Variants in MBNL2 observed in about 807,000 individuals in gnomAD.
MBNL2 encodes the protein muscleblind like splicing regulator 2.
In MBNL2, 17 loss-of-function variants were observed where a neutral mutation model predicts 41.9. The ratio of observed to expected loss-of-function variants is 0.41; its 90% CI spans 0.28 to 0.61. The LOEUF (loss-of-function observed/expected upper bound fraction) is 0.61, where lower values mean the gene tolerates loss of function less well. MBNL2 is among the 20% of genes least tolerant of loss of function. The pLI is 0.35. For synonymous variants in MBNL2, 195 were observed against 182.9 expected (o/e 1.07, Z -0.53); for missense variants, 336 against 505.6 (o/e 0.66, Z 3.22).
At chr13:97,284,433 T>C (rs1289970927) in intron 2 of MBNL2, among the ~76,000 whole-genome samples, 2 of 152,162 alleles carry the variant, frequency 1.3e-5, no homozygotes, top group Non-Finnish European at 2.9e-5. Context: ...CTTCACATCA[T>C]CTTCCTGGTG....
intron 8 of MBNL2, among the ~76,000 whole-genome samples, chr13:97,385,655 A>T (rs1268767516): frequency 6.6e-6 from 1 of 152,218 alleles, no homozygotes; most frequent in African/African-American, 2.4e-5. Context: ...CATAAGAAGT[A>T]TAAACACTTC....
intron 3 of MBNL2, 78 bp from the exon 4 acceptor site, chr13:97,342,938 C>T (rs1003379574): frequency 2.3e-6 from 2 of 856,048 alleles, no homozygotes; most frequent in Non-Finnish European, 3.9e-6. Context: ...ATACATTTTG[C>T]TCAAATGACA....
the MBNL2 span, among the ~76,000 whole-genome samples, chr13:97,155,896 C>T: frequency 6.5e-5 from 9 of 137,876 alleles, no homozygotes; most frequent in African/African-American, 2.2e-4. Flanking sequence ...ATTTATAATC[C>T]TTTGGGTATA....
chr13:97,180,930 G>A, the MBNL2 span, among the ~76,000 whole-genome samples: 1 of 152,124 alleles, frequency 6.6e-6, no homozygotes, highest in Non-Finnish European at 1.5e-5. Flanking sequence ...TAGCAGAGCT[G>A]CATTCCTTCT....
intron 2 of MBNL2, among the ~76,000 whole-genome samples, chr13:97,303,309 A>G (rs1018594659): frequency 6.6e-6 from 1 of 152,188 alleles, no homozygotes; most frequent in Admixed American, 6.5e-5. Context: ...CCAGCCCCCA[A>G]GGAAATTCAG....
At chr13:97,344,424 T>G (rs1382880287) in intron 4 of MBNL2, among the ~76,000 whole-genome samples, 1 of 152,256 alleles carries the variant, frequency 6.6e-6, no homozygotes, top group Non-Finnish European at 1.5e-5. Flanking sequence ...ACGTACACAG[T>G]GCTTTCTGTT....
chr13:97,286,356 A>G (rs776889046), intron 2 of MBNL2, among the ~76,000 whole-genome samples: 1 of 152,074 alleles, frequency 6.6e-6, no homozygotes, highest in Non-Finnish European at 1.5e-5. Flanking sequence ...GCCATATCCA[A>G]TCCATTATAA....
chr13:97,247,920 T>C (rs61972584), intron 1 of MBNL2, among the ~76,000 whole-genome samples: 4 of 152,230 alleles, frequency 2.6e-5, no homozygotes, highest in Non-Finnish European at 5.9e-5. Context: ...TCAAAGCGTA[T>C]ACGACAAACC....
the MBNL2 span, among the ~76,000 whole-genome samples, chr13:97,185,387 C>G: frequency 6.6e-6 from 1 of 152,226 alleles, no homozygotes; most frequent in East Asian, 1.9e-4. Context: ...AATAATCACT[C>G]TCCCAAAGAT....
chr13:97,366,334 A>G lies in MBNL2; in HGVS notation c.1048+1163A>G, dbSNP rs2063836982. Reference sequence around the variant, plus strand: ...CTTCCTTGCTTTGCATTGTGATTGCATGCCATCTGCTGGTTTAACCCATGA... The same window carrying G: ...CTTCCTTGCTTTGCATTGTGATTGCGTGCCATCTGCTGGTTTAACCCATGA... On this transcript the variant is annotated intron_variant, in intron 8 of 8. Transcript: ENST00000679496. This position sits in a 1 kb window ranked among gnomAD's most constrained non-coding sequence, Gnocchi z 4.7. 1 of 592,684 alleles carries G rather than the reference A, an allele frequency of 1.7e-6. No individual in the cohort carries two copies. The highest frequency in any genetic ancestry group is 2.7e-5 in the South Asian group (1 of 36,918). 36.7% of individuals were successfully genotyped at this position (592,684 alleles called of 1,614,324 possible).
At position 97,392,119 on chromosome 13, in the gene MBNL2, AAG is replaced by A. The variant is rs1428338232; in HGVS notation, c.*676_*677del. On this transcript the variant is annotated 3_prime_UTR_variant, in exon 9 of 9. Transcript: ENST00000679496. ...AAGTATATTTTTAAAGTTGTTTTATAAGAGAGACTTTGTAGAAGTGCCTAGAT... is the reference window on the plus strand; with the variant it reads ...AAGTATATTTTTAAAGTTGTTTTATAAGAGACTTTGTAGAAGTGCCTAGAT... 1.3e-5 allele frequency: 2 copies of A among 152,634 alleles called. No homozygotes were observed. Among genetic ancestry groups the A allele is most frequent in the African/African-American group, 4.8e-5 (2 of 41,462 alleles). 9.5% of individuals were successfully genotyped at this position (152,634 alleles called of 1,614,324 possible). A position where few individuals can be genotyped will look rare whatever the true frequency, so the allele number is the denominator to read the frequency against.
intron 1 of MBNL2, among the ~76,000 whole-genome samples, chr13:97,239,982 G>C (rs1456807247): frequency 6.6e-6 from 1 of 152,214 alleles, no homozygotes; most frequent in Non-Finnish European, 1.5e-5. Context: ...AGGAGAAGAA[G>C]TTGTATTTTC....
At chr13:97,230,667 GC>G (rs2042256782) in intron 1 of MBNL2, among the ~76,000 whole-genome samples, 1 of 152,196 alleles carries the variant, frequency 6.6e-6, no homozygotes, top group Non-Finnish European at 1.5e-5. Context: ...CCACAAAGGA[GC>G]AAAATTGTTT....
chr13:97,247,060 A>G (rs1176121065), intron 1 of MBNL2, among the ~76,000 whole-genome samples: 2 of 152,200 alleles, frequency 1.3e-5, no homozygotes, highest in Admixed American at 6.5e-5. Flanking sequence ...TTGAGTACCT[A>G]TTGTCTATCT....
At position 97,312,840 on chromosome 13, in the gene MBNL2, C is replaced by T. The variant is rs117966344; in HGVS notation, c.175-21436C>T. ...TTGGGAACACACTTTACAAAAATTA[C>T]TGTGAATTCAATTAAAAATTATATG... On this transcript the variant is annotated intron_variant, in intron 2 of 8. Transcript: ENST00000679496. Among the ~76,000 whole-genome samples, 1,285 of 152,312 alleles carry T rather than the reference C, an allele frequency of 8.4e-3. 5 individuals carry two copies. Among genetic ancestry groups the T allele is most frequent in the Non-Finnish European group, 0.014 (958 of 68,026 alleles).
intron 8 of MBNL2, among the ~76,000 whole-genome samples, chr13:97,381,612 C>G (rs374696040): frequency 6.6e-6 from 1 of 151,718 alleles, no homozygotes. Flanking sequence ...TTTGAAATTT[C>G]TTTTCTGTTG....
At chr13:97,162,111 A>G in the MBNL2 span, among the ~76,000 whole-genome samples, 4 of 152,138 alleles carry the variant, frequency 2.6e-5, no homozygotes, top group Non-Finnish European at 4.4e-5. Flanking sequence ...GGGAGGTGCT[A>G]CACACTTTTA....
chr13:97,365,119 C>T lies in MBNL2; in HGVS notation c.1013-17C>T. 2 of 1,574,766 alleles carry T rather than the reference C, an allele frequency of 1.3e-6. No homozygotes were observed. The highest frequency in any genetic ancestry group is 2.2e-5 in the South Asian group (2 of 90,336). On this transcript the variant is annotated splice_polypyrimidine_tract_variant and intron_variant, in intron 7 of 8. Coordinates refer to ENST00000679496, the MANE Select transcript of MBNL2 (RefSeq NM_001382683.1). ...TCCCTTTATTCACTTTTTCCACCCA[C>T]CATTGCATGACATCAGGGTCAGTTT...
intron 2 of MBNL2, among the ~76,000 whole-genome samples, chr13:97,291,017 T>C (rs1198711995): frequency 6.6e-6 from 1 of 152,100 alleles, no homozygotes; most frequent in Admixed American, 6.5e-5. Flanking sequence ...TGTTTGAATG[T>C]TATGCTCAGC....
Sources: gnomAD v4.1 joint callset for allele counts (sites outside exome capture counted in the v4.1 genomes callset) on GRCh38, gnomAD v4.1.1 for gene constraint, Gnocchi (gnomAD v3.1) non-coding constraint, MANE v1.5 for transcripts, NCBI Gene and HGNC (gene_info 2026-07-23, HGNC 2026-07-21) for gene names.